The following CR1L variants were observed in gnomAD, a reference collection of about 807,000 sequenced individuals.
The protein encoded by CR1L is complement C3b/C4b receptor 1 like.
A neutral mutation model predicts 62.3 loss-of-function variants in CR1L; 59 were observed. The observed-to-expected ratio is 0.95, with a 90% CI of 0.77 to 1.18. The LOEUF (loss-of-function observed/expected upper bound fraction) is 1.18, where lower values mean the gene tolerates loss of function less well. Among genes scored for constraint, CR1L ranks in the 50% most tolerant of loss-of-function variants. CR1L has a pLI of 0.00. For synonymous variants in CR1L, 279 were observed against 248.7 expected (o/e 1.12, Z -1.15); for missense variants, 700 against 702.8 (o/e 1.00, Z 0.04).
chr1:207,689,448 G>A (rs1384124147), intron 4 of CR1L, among the ~76,000 whole-genome samples: 1 of 152,130 alleles, frequency 6.6e-6, no homozygotes, highest in East Asian at 1.9e-4. Flanking sequence ...TTTAAAATCA[G>A]TCAAGGTAAA....
intron 11 of CR1L, among the ~76,000 whole-genome samples, chr1:207,720,532 C>T (rs1654111338): frequency 6.6e-6 from 1 of 152,070 alleles, no homozygotes; most frequent in Non-Finnish European, 1.5e-5. Context: ...AGCATCAGAG[C>T]AGGAAGAATA....
At chr1:207,674,236 G>T (rs1178056318) in intron 1 of CR1L, among the ~76,000 whole-genome samples, 1 of 152,200 alleles carries the variant, frequency 6.6e-6, no homozygotes, top group African/African-American at 2.4e-5. Context: ...ACTGTGTGGG[G>T]TGAAGGGTAT....
intron 4 of CR1L, among the ~76,000 whole-genome samples, chr1:207,690,561 C>T (rs1240997926): frequency 3.3e-5 from 5 of 152,252 alleles, no homozygotes; most frequent in African/African-American, 1.2e-4. Context: ...TTTTTTCTCC[C>T]TCCACTTGTT....
chr1:207,717,439 T>G, intron 10 of CR1L, 25 bp from the exon 11 acceptor site: 1 of 1,609,040 alleles, frequency 6.2e-7, no homozygotes, highest in East Asian at 2.2e-5. Flanking sequence ...CTAATAGAAC[T>G]TAAAAGCTCT....
chr1:207,665,084 T>C (rs7515238), intron 1 of CR1L, among the ~76,000 whole-genome samples: 83,144 of 152,072 alleles, frequency 0.55, 23,226 homozygotes, highest in East Asian at 0.68. Flanking sequence ...GACGGAGTCT[T>C]GCTCTGTTGC....
chr1:207,694,794 C>T, intron 5 of CR1L, 43 bp downstream of exon 5: 1 of 1,611,496 alleles, frequency 6.2e-7, no homozygotes. Flanking sequence ...CAGTGACATG[C>T]ATTGCTGTTG....
intron 1 of CR1L, among the ~76,000 whole-genome samples, chr1:207,660,016 G>A (rs567974560): frequency 1.3e-5 from 2 of 152,344 alleles, no homozygotes; most frequent in Admixed American, 6.5e-5. Flanking sequence ...CAAAGCGCCA[G>A]GGAAGCCTGA....
intron 5 of CR1L, among the ~76,000 whole-genome samples, chr1:207,694,973 G>A (rs948708134): frequency 2.0e-5 from 3 of 152,196 alleles, no homozygotes; most frequent in African/African-American, 7.2e-5. Context: ...TTTCTTTGGA[G>A]TTCTTATAAG....
Position 207,699,277 on chromosome 1 carries a change from A to G in CR1L, c.1228+3A>G, listed in dbSNP as rs1425268992. The G allele has an allele frequency of 1.9e-6, 3 of 1,613,574 alleles. No individual in the cohort carries two copies. The highest frequency in any genetic ancestry group is 1.3e-5 in the African/African-American group (1 of 74,944). The stretch of plus-strand genomic sequence containing the variant: ...TAGCAGTGTTCCAGTGTGTGAACGT[A>G]AGTAATAGGAGTAACATTTCAGGCC... On this transcript the variant is annotated splice_donor_region_variant and intron_variant, in intron 8 of 11. Coordinates refer to ENST00000508064, the MANE Select transcript of CR1L (RefSeq NM_175710.2).
At chr1:207,705,438 C>G (rs1266867835) in intron 9 of CR1L, among the ~76,000 whole-genome samples, 2 of 152,186 alleles carry the variant, frequency 1.3e-5, no homozygotes, top group African/African-American at 4.8e-5. Flanking sequence ...CACCCTTGCT[C>G]AGCACACAGT....
intron 3 of CR1L, among the ~76,000 whole-genome samples, chr1:207,679,153 A>ATTTTTT (rs34703217): frequency 2.4e-4 from 22 of 90,280 alleles, no homozygotes; most frequent in African/African-American, 3.1e-4. Flanking sequence ...GCCCACCACC[A>ATTTTTT]TTTTTTTTTT....
chr1:207,659,510 G>T (rs534591916), intron 1 of CR1L, among the ~76,000 whole-genome samples: 1 of 152,288 alleles, frequency 6.6e-6, no homozygotes, highest in Non-Finnish European at 1.5e-5. Context: ...GCAATAAATT[G>T]TCTTAAGATA....
At chr1:207,676,976 C>T (rs543302258) in intron 1 of CR1L, among the ~76,000 whole-genome samples, 5 of 152,220 alleles carry the variant, frequency 3.3e-5, no homozygotes, top group Admixed American at 1.3e-4. Context: ...TTAGTGAAGT[C>T]TTCTTTTTCT....
chr1:207,679,246 G>A (rs754412072), intron 3 of CR1L, among the ~76,000 whole-genome samples: 23 of 139,294 alleles, frequency 1.7e-4, no homozygotes, highest in East Asian at 2.1e-4. Flanking sequence ...CTCATGATCC[G>A]CCCACCTCCC....
chr1:207,657,578 T>C (rs74152323), intron 1 of CR1L, among the ~76,000 whole-genome samples: 3,892 of 151,838 alleles, frequency 0.026, 173 homozygotes, highest in African/African-American at 0.09. Flanking sequence ...AAGTTTTTGT[T>C]TGAAAGACCA....
rs976214172 is a variant in CR1L at position 207,720,411 on chromosome 1, A to G, written c.1642+2720A>G. 7.2e-5 allele frequency among the ~76,000 whole-genome samples: 11 copies of G among 152,312 alleles called. 1 individual carries two copies. In the South Asian group the frequency reaches 2.1e-3, roughly 29 times the overall value. ...GATACCAGTCCTAGGCCTTCCTAAA[A>G]TGGAAGATGAGGAACTAACCTGGGG... On this transcript the variant is annotated intron_variant, in intron 11 of 11. Transcript: ENST00000508064.
chr1:207,714,868 G>C (rs907958456), intron 10 of CR1L, among the ~76,000 whole-genome samples: 4 of 152,110 alleles, frequency 2.6e-5, no homozygotes, highest in Non-Finnish European at 4.4e-5. Flanking sequence ...GAGAAGAACA[G>C]ATATTCCTGG....
chr1:207,708,239 A>C lies in CR1L; in HGVS notation c.1390A>C (p.Ser464Arg), dbSNP rs779124331. Residue 464 changes from serine to arginine, a missense_variant, in exon 10 of 12, where the codon AGC (serine) becomes CGC (arginine). Physicochemically the swap from Ser to Arg is moderately radical, Grantham distance 110 (BLOSUM62 -1). Coordinates refer to ENST00000508064, the MANE Select transcript of CR1L (RefSeq NM_175710.2). ...CCTCTCGGGCAATACTGCCCATTGG[A>C]GCATGAAGCCACCAATTTGTCAACG... ...CILSGNTAHW[S>R]MKPPICQQIF... 6.2e-7 allele frequency: 1 copy of C among 1,611,392 alleles called. No individual in the cohort carries two copies.
chr1:207,701,080 A>G (rs988953003), intron 8 of CR1L, among the ~76,000 whole-genome samples: 2 of 152,228 alleles, frequency 1.3e-5, no homozygotes, highest in African/African-American at 4.8e-5. Flanking sequence ...ACTTCATGAG[A>G]ATGTTTCAAG....
Sources: gnomAD v4.1 joint callset for allele counts (sites outside exome capture counted in the v4.1 genomes callset) on GRCh38, gnomAD v4.1.1 for gene constraint, MANE v1.5 for transcripts, NCBI Gene and HGNC (gene_info 2026-07-23, HGNC 2026-07-21) for gene names.